The following PPP1R17 variants were observed in gnomAD, a reference collection of about 807,000 sequenced individuals.
The protein encoded by PPP1R17 is protein phosphatase 1 regulatory subunit 17, also known as G-substrate.
PPP1R17 carries 12 observed loss-of-function variants against 15.9 expected under a neutral mutation model. That is an observed-to-expected ratio of 0.75 (90% confidence interval 0.48 to 1.22). PPP1R17 has a LOEUF of 1.22. Ranked by LOEUF, PPP1R17 falls within the 50% of genes most tolerant of loss-of-function variation. The pLI, the probability that PPP1R17 is intolerant of heterozygous loss-of-function variation, is 0.00. For synonymous variants in PPP1R17, 63 were observed against 64.5 expected, an observed-to-expected ratio of 0.98 and a Z score of 0.11; for missense variants, 211 against 187.3, an observed-to-expected ratio of 1.13 and a Z score of -0.74.
At chr7:31,693,876 TC>T (rs1792460101) in intron 2 of PPP1R17, among the ~76,000 whole-genome samples, 1 of 152,232 alleles carries the variant, frequency 6.6e-6, no homozygotes, top group Non-Finnish European at 1.5e-5. Flanking sequence ...ATCCAATTAC[TC>T]TTTTAAAATT....
intron 1 of PPP1R17, among the ~76,000 whole-genome samples, chr7:31,688,580 A>G (rs73088837): frequency 6.6e-6 from 1 of 152,348 alleles, no homozygotes; most frequent in Non-Finnish European, 1.5e-5. Context: ...TGTTCTCAAA[A>G]GAGAAGGTGA....
intron 4 of PPP1R17, among the ~76,000 whole-genome samples, chr7:31,698,983 A>G (rs1792730426): frequency 6.6e-6 from 1 of 152,248 alleles, no homozygotes; most frequent in African/African-American, 2.4e-5. Flanking sequence ...ACTATGTGCC[A>G]GGCACAGCTC....
intron 2 of PPP1R17, among the ~76,000 whole-genome samples, 186 bp from the exon 3 acceptor site, chr7:31,695,283 T>C (rs763400017): frequency 6.6e-6 from 1 of 152,206 alleles, no homozygotes; most frequent in African/African-American, 2.4e-5. Flanking sequence ...TTTTCGATTT[T>C]GTTATATGAA....
chr7:31,691,516 G>A (rs748066986), intron 1 of PPP1R17, among the ~76,000 whole-genome samples: 3 of 152,048 alleles, frequency 2.0e-5, no homozygotes, highest in South Asian at 2.1e-4. Flanking sequence ...ATAAATCTCA[G>A]CTAATGCATT....
At chr7:31,688,751 TCTGAAATC>T (rs1792213535) in intron 1 of PPP1R17, among the ~76,000 whole-genome samples, 1 of 152,234 alleles carries the variant, frequency 6.6e-6, no homozygotes, top group Non-Finnish European at 1.5e-5. Flanking sequence ...GAGTTTAAAA[TCTGAAATC>T]CTGAAATCCT....
intron 4 of PPP1R17, among the ~76,000 whole-genome samples, chr7:31,704,980 T>A (rs1284931304): frequency 6.6e-6 from 1 of 152,170 alleles, no homozygotes; most frequent in Non-Finnish European, 1.5e-5. Context: ...TTAAGGCTCA[T>A]CCTAAGCAAT....
intron 4 of PPP1R17, among the ~76,000 whole-genome samples, chr7:31,704,619 C>G (rs1179557168): frequency 6.6e-6 from 1 of 152,116 alleles, no homozygotes; most frequent in Non-Finnish European, 1.5e-5. Flanking sequence ...GTGAAATATG[C>G]GGTAACAGAG....
Position 31,694,014 on chromosome 7 carries a change from T to A in PPP1R17, c.83-1455T>A, listed in dbSNP as rs375795164. Among the ~76,000 whole-genome samples, 35 of 152,354 alleles carry A rather than the reference T, an allele frequency of 2.3e-4. No individual in the cohort carries two copies. In the South Asian group the frequency reaches 6.2e-3, roughly 27 times the overall value. On this transcript the variant is annotated intron_variant, in intron 2 of 4. Coordinates refer to ENST00000342032, the MANE Select transcript of PPP1R17 (RefSeq NM_006658.5). ...TGAATCCTAACGGAATAGTTTCTTA[T>A]ACAAAATATATTCCAGTTTATTCAT...
Sources: allele counts gnomAD v4.1 joint callset (sites outside exome capture counted in the v4.1 genomes callset), GRCh38; gene constraint gnomAD v4.1.1; transcripts MANE v1.5; gene names NCBI Gene and HGNC (gene_info 2026-07-23, HGNC 2026-07-21).